FAF1: variants seen among roughly 807,000 people sequenced by gnomAD.
FAF1 encodes the protein FAS-associated factor 1.
FAF1 carries 25 observed loss-of-function variants against 92.5 expected under a neutral mutation model. That is an observed-to-expected ratio of 0.27 (90% CI 0.20 to 0.38). FAF1 has a LOEUF of 0.38. Ranked by LOEUF, FAF1 falls within the 10% of genes least tolerant of loss-of-function variation. The probability of loss-of-function intolerance (pLI) is 1.00; values close to 1 mark genes in which losing one functional copy is unlikely to be tolerated. For synonymous variants in FAF1, 234 were observed against 273.2 expected (o/e 0.86, Z 1.42); for missense variants, 636 against 793.3 (o/e 0.80, Z 2.38).
chr1:50,951,955 A>C (rs1645217211), intron 1 of FAF1, among the ~76,000 whole-genome samples: 1 of 152,250 alleles, frequency 6.6e-6, no homozygotes, highest in African/African-American at 2.4e-5. Context: ...ATAAACGGAC[A>C]GAAACTACTT....
At chr1:50,956,066 G>T (rs1447267303) in intron 1 of FAF1, among the ~76,000 whole-genome samples, 1 of 152,124 alleles carries the variant, frequency 6.6e-6, no homozygotes, top group Admixed American at 6.5e-5. Context: ...GAGATGGATG[G>T]CAGTGATAGT....
chr1:50,945,547 C>T (rs1274492446), intron 1 of FAF1, among the ~76,000 whole-genome samples: 1 of 152,112 alleles, frequency 6.6e-6, no homozygotes, highest in African/African-American at 2.4e-5. Context: ...TCGTCATATC[C>T]AATATAATGA....
intron 1 of FAF1, among the ~76,000 whole-genome samples, chr1:50,922,176 A>C (rs1437440218): frequency 6.9e-6 from 1 of 144,724 alleles, no homozygotes; most frequent in Non-Finnish European, 1.5e-5. Context: ...CAAAAAAAAA[A>C]GGCCAGGCGC....
At chr1:50,607,950 G>A (rs573912007) in intron 8 of FAF1, among the ~76,000 whole-genome samples, 2 of 152,332 alleles carry the variant, frequency 1.3e-5, no homozygotes, top group East Asian at 3.9e-4. Context: ...GCCCAGAAAA[G>A]AATTCAAGGG....
At chr1:50,893,480 A>T (rs974472223) in intron 1 of FAF1, among the ~76,000 whole-genome samples, 3 of 152,170 alleles carry the variant, frequency 2.0e-5, no homozygotes, top group African/African-American at 7.2e-5. Context: ...GAAGAATTTT[A>T]TGGATTAGCA....
intron 15 of FAF1, among the ~76,000 whole-genome samples, chr1:50,515,096 AG>A (rs1247482428): frequency 6.6e-6 from 1 of 152,188 alleles, no homozygotes; most frequent in Non-Finnish European, 1.5e-5. Context: ...TAGAAACTGG[AG>A]ATAAGATGAG....
intron 1 of FAF1, among the ~76,000 whole-genome samples, chr1:50,959,318 C>G (rs1457899819): frequency 1.3e-5 from 2 of 152,124 alleles, no homozygotes; most frequent in African/African-American, 4.8e-5. Context: ...GCCATCTCAT[C>G]ATTCTGCTTT....
At chr1:50,674,643 G>A (rs186565036) in intron 7 of FAF1, among the ~76,000 whole-genome samples, 2 of 152,134 alleles carry the variant, frequency 1.3e-5, no homozygotes, top group African/African-American at 2.4e-5. Flanking sequence ...ATTTTTTGGC[G>A]TGTTTTACTG....
At chr1:50,696,738 T>C (rs1469475960) in intron 7 of FAF1, among the ~76,000 whole-genome samples, 2 of 152,206 alleles carry the variant, frequency 1.3e-5, no homozygotes, top group Admixed American at 1.3e-4. Context: ...CCCAGTATTA[T>C]TCTTTTCCAA....
At chr1:50,795,693 A>C (rs1490174719) in intron 3 of FAF1, among the ~76,000 whole-genome samples, 1 of 152,218 alleles carries the variant, frequency 6.6e-6, no homozygotes, top group African/African-American at 2.4e-5. Flanking sequence ...ACAGCTTACT[A>C]AACTTTTGCC....
At chr1:50,743,548 G>A (rs932651585) in intron 5 of FAF1, among the ~76,000 whole-genome samples, 2 of 151,614 alleles carry the variant, frequency 1.3e-5, no homozygotes, top group Non-Finnish European at 2.9e-5. Flanking sequence ...GGCTGGTCTC[G>A]AACCCCTGAC....
At chr1:50,810,637 A>C (rs1000037568) in intron 2 of FAF1, among the ~76,000 whole-genome samples, 1 of 152,248 alleles carries the variant, frequency 6.6e-6, no homozygotes, top group Non-Finnish European at 1.5e-5. Flanking sequence ...AGGAAGTCAA[A>C]CTATCTCTGT....
chr1:50,736,674 C>T (rs556965631), intron 6 of FAF1, among the ~76,000 whole-genome samples: 6 of 151,982 alleles, frequency 3.9e-5, no homozygotes, highest in African/African-American at 1.4e-4. Context: ...TTGCTTGAAC[C>T]CAGGAGGCGG....
intron 7 of FAF1, among the ~76,000 whole-genome samples, chr1:50,684,544 T>C (rs192387275): frequency 6.6e-6 from 1 of 152,282 alleles, no homozygotes; most frequent in Admixed American, 6.5e-5. Context: ...CAACCAATGA[T>C]ATACCGGTAA....
intron 8 of FAF1, among the ~76,000 whole-genome samples, chr1:50,614,268 A>G (rs551378421): frequency 6.6e-6 from 1 of 152,340 alleles, no homozygotes. Flanking sequence ...ATTTACGTCA[A>G]TGCCACAAAT....
At chr1:50,930,871 ATAACT>A (rs1382837037) in intron 1 of FAF1, among the ~76,000 whole-genome samples, 1 of 152,234 alleles carries the variant, frequency 6.6e-6, no homozygotes, top group African/African-American at 2.4e-5. Flanking sequence ...AGAAGGCAAT[ATAACT>A]TAACTAGGGT....
chr1:50,732,738 A>G (rs1454331460), intron 6 of FAF1, among the ~76,000 whole-genome samples: 1 of 151,980 alleles, frequency 6.6e-6, no homozygotes, highest in East Asian at 1.9e-4. Flanking sequence ...GAGAATTCTG[A>G]TAAATTTTAT....
At chr1:50,740,056 C>G (rs1463139939) in intron 5 of FAF1, among the ~76,000 whole-genome samples, 1 of 152,104 alleles carries the variant, frequency 6.6e-6, no homozygotes, top group South Asian at 2.1e-4. Context: ...GCCACCTACT[C>G]TGTATCAGGA....
At chr1:50,623,891 T>C (rs974143312) in intron 8 of FAF1, among the ~76,000 whole-genome samples, 1 of 151,354 alleles carries the variant, frequency 6.6e-6, no homozygotes. Flanking sequence ...TGAGTTGTGA[T>C]TGCACCACTG....
Sources: allele counts gnomAD v4.1 joint callset (sites outside exome capture counted in the v4.1 genomes callset), GRCh38; gene constraint gnomAD v4.1.1; transcripts MANE v1.5; gene names NCBI Gene and HGNC (gene_info 2026-07-23, HGNC 2026-07-21).